The following PCCA variants were observed in gnomAD, a reference collection of about 807,000 sequenced individuals.
The protein encoded by PCCA is propionyl-CoA carboxylase subunit alpha.
PCCA carries 74 observed loss-of-function variants against 101.3 expected under a neutral mutation model. That is an observed-to-expected ratio of 0.73 (90% confidence interval 0.61 to 0.89). PCCA has a LOEUF of 0.89. PCCA is among the 40% of genes least tolerant of loss of function. The pLI, the probability that PCCA is intolerant of heterozygous loss-of-function variation, is 0.00. For missense variants in PCCA, 891 were observed against 907.0 expected, an observed-to-expected ratio of 0.98 and a Z score of 0.23; for synonymous variants, 294 against 313.6, an observed-to-expected ratio of 0.94 and a Z score of 0.66.
chr13:100,112,686 C>T (rs1419901486), intron 4 of PCCA, among the ~76,000 whole-genome samples: 1 of 150,018 alleles, frequency 6.7e-6, no homozygotes, highest in African/African-American at 2.5e-5. Flanking sequence ...AAGCGATTCT[C>T]CCGCCTCAGC....
intron 19 of PCCA, among the ~76,000 whole-genome samples, chr13:100,374,638 G>A (rs2075785412): frequency 6.6e-6 from 1 of 152,100 alleles, no homozygotes; most frequent in African/African-American, 2.4e-5. Context: ...AAAGAAGAGT[G>A]TCAGAGTAGT....
chr13:100,385,692 G>A (rs939068792), intron 19 of PCCA, among the ~76,000 whole-genome samples: 3 of 152,062 alleles, frequency 2.0e-5, no homozygotes, highest in African/African-American at 7.2e-5. Flanking sequence ...GCATGATCAC[G>A]GCTGACTGCA....
chr13:100,237,428 A>G (rs868529660), intron 8 of PCCA: 21 of 152,204 alleles, frequency 1.4e-4, no homozygotes, highest in South Asian at 4.1e-4. Flanking sequence ...AATCATTAAC[A>G]TTTCAAAAAG....
chr13:100,246,813 G>A (rs562739222), intron 8 of PCCA, among the ~76,000 whole-genome samples: 10 of 151,836 alleles, frequency 6.6e-5, no homozygotes, highest in Non-Finnish European at 1.3e-4. Flanking sequence ...CCTGAAAAGA[G>A]TGTATATTCT....
chr13:100,321,972 T>C (rs1595332549), intron 16 of PCCA, among the ~76,000 whole-genome samples: 2 of 152,088 alleles, frequency 1.3e-5, no homozygotes, highest in South Asian at 2.1e-4. Flanking sequence ...AGATGGAAAG[T>C]CATATTGAAA....
intron 12 of PCCA, among the ~76,000 whole-genome samples, chr13:100,300,000 C>T (rs975726124): frequency 2.0e-5 from 3 of 152,202 alleles, no homozygotes; most frequent in Non-Finnish European, 4.4e-5. Context: ...AGGCGTGAAG[C>T]GCCACACCCA....
chr13:100,428,915 C>T (rs951568590), intron 20 of PCCA, among the ~76,000 whole-genome samples: 1 of 152,066 alleles, frequency 6.6e-6, no homozygotes, highest in Admixed American at 6.6e-5. Flanking sequence ...AGTAGGGACC[C>T]GTGGAAGAGC....
chr13:100,463,792 C>T (rs28565916), intron 21 of PCCA, among the ~76,000 whole-genome samples: 17,501 of 152,044 alleles, frequency 0.12, 1,798 homozygotes, highest in African/African-American at 0.28. Flanking sequence ...GGAGGCTTGT[C>T]CTCTCTAATG....
chr13:100,188,807 T>C (rs1351783266), intron 6 of PCCA, among the ~76,000 whole-genome samples: 1 of 152,194 alleles, frequency 6.6e-6, no homozygotes, highest in Non-Finnish European at 1.5e-5. Context: ...ATTTCCCTGA[T>C]CTTTAGTGAG....
At chr13:100,281,436 T>C (rs1346153359) in intron 12 of PCCA, among the ~76,000 whole-genome samples, 1 of 152,244 alleles carries the variant, frequency 6.6e-6, no homozygotes, top group Non-Finnish European at 1.5e-5. Flanking sequence ...ACAGCAATCA[T>C]GTTCTATACT....
chr13:100,395,815 A>G (rs1160756858), intron 19 of PCCA, among the ~76,000 whole-genome samples: 2 of 152,342 alleles, frequency 1.3e-5, no homozygotes, highest in East Asian at 1.9e-4. Flanking sequence ...ATCAATTTGC[A>G]AGACAACTTG....
chr13:100,226,191 G>C (rs2060135033), intron 7 of PCCA, among the ~76,000 whole-genome samples: 1 of 152,208 alleles, frequency 6.6e-6, no homozygotes, highest in Non-Finnish European at 1.5e-5. Flanking sequence ...GCCCAGGATT[G>C]TTTAAAAGTT....
chr13:100,223,534 A>G lies in PCCA; in HGVS notation c.601-12308A>G, dbSNP rs528128273. On this transcript the variant is annotated intron_variant, in intron 7 of 23. Transcript: ENST00000376285. ...TCCAGACCTTCGCGGTGAGCGTTAT[A>G]GCTCATAAAGGCAGAGTGGACCCAA... 3.3e-5 allele frequency among the ~76,000 whole-genome samples: 5 copies of G among 152,288 alleles called. No homozygotes were observed. The East Asian group carries it at 9.7e-4, about 29-fold the overall frequency.
At chr13:100,429,508 A>G (rs1454067706) in intron 20 of PCCA, among the ~76,000 whole-genome samples, 1 of 152,100 alleles carries the variant, frequency 6.6e-6, no homozygotes, top group Non-Finnish European at 1.5e-5. Flanking sequence ...TTGAGCATAC[A>G]TATAAACTTT....
intron 7 of PCCA, among the ~76,000 whole-genome samples, chr13:100,226,173 A>G (rs2060134646): frequency 6.6e-6 from 1 of 152,354 alleles, no homozygotes. Flanking sequence ...CTAGAAAGCC[A>G]TTCCTGAGCC....
intron 19 of PCCA, among the ~76,000 whole-genome samples, chr13:100,383,689 T>C (rs1245536614): frequency 1.3e-5 from 2 of 152,182 alleles, no homozygotes; most frequent in Admixed American, 6.5e-5. Context: ...TTGTTTTCTT[T>C]ATAATGTTTG....
chr13:100,350,004 T>C (rs1445021739), intron 18 of PCCA, among the ~76,000 whole-genome samples: 2 of 152,228 alleles, frequency 1.3e-5, no homozygotes, highest in South Asian at 2.1e-4. Flanking sequence ...CCTTTCCTGG[T>C]TTCAGATATA....
At chr13:100,416,094 C>T (rs976998268) in intron 19 of PCCA, among the ~76,000 whole-genome samples, 1 of 152,016 alleles carries the variant, frequency 6.6e-6, no homozygotes, top group African/African-American at 2.4e-5. Context: ...GTTATTTGTA[C>T]CACAAATGCA....
At chr13:100,322,044 A>G (rs1353724862) in intron 16 of PCCA, among the ~76,000 whole-genome samples, 1 of 152,122 alleles carries the variant, frequency 6.6e-6, no homozygotes, top group African/African-American at 2.4e-5. Flanking sequence ...TGTAACAAAG[A>G]TTTCTAAATA....
Sources: gnomAD v4.1 joint callset for allele counts (sites outside exome capture counted in the v4.1 genomes callset) on GRCh38, gnomAD v4.1.1 for gene constraint, MANE v1.5 for transcripts, NCBI Gene and HGNC (gene_info 2026-07-23, HGNC 2026-07-21) for gene names.